The following CAMK2D variants were observed in gnomAD, a reference collection of about 807,000 sequenced individuals.
CAMK2D encodes calcium/calmodulin-dependent protein kinase type II subunit delta.
CAMK2D carries 37 observed loss-of-function variants against 84.0 expected under a neutral mutation model. The ratio of observed to expected loss-of-function variants is 0.44; its 90% CI spans 0.34 to 0.58. The LOEUF (loss-of-function observed/expected upper bound fraction) is 0.58. CAMK2D is among the 20% of genes least tolerant of loss of function. The pLI, the probability that CAMK2D is intolerant of heterozygous loss-of-function variation, is 0.02. For synonymous variants in CAMK2D, 202 were observed against 212.5 expected, an observed-to-expected ratio of 0.95 and a Z score of 0.43; for missense variants, 448 against 652.5, an observed-to-expected ratio of 0.69 and a Z score of 3.41.
At chr4:113,466,617 T>C (rs559802085) in intron 16 of CAMK2D, among the ~76,000 whole-genome samples, 30 of 152,208 alleles carry the variant, frequency 2.0e-4, no homozygotes, top group Non-Finnish European at 3.7e-4. Context: ...TGTAGGCAGA[T>C]AATAAGATGA....
intron 17 of CAMK2D, among the ~76,000 whole-genome samples, chr4:113,463,656 G>A (rs1043003336): frequency 5.3e-5 from 8 of 152,326 alleles, no homozygotes; most frequent in African/African-American, 1.9e-4. Flanking sequence ...GATTACAGGC[G>A]TGAGACATCG....
In CAMK2D at chr4:113,679,483, C is replaced by CT. The variant is rs950556502; in HGVS notation, c.161-17712dup. On this transcript the variant is annotated intron_variant, in intron 2 of 20. Transcript: ENST00000511664. ...ATTCCAGCCACATATTCTCCAGTCT[C>CT]TGCTTTTTCTGTCCTGATTTTAAAA... is the stretch of plus-strand genomic sequence containing the variant. 4 of 958,256 alleles carry CT rather than the reference C, an allele frequency of 4.2e-6. No individual in the cohort carries two copies. The African/African-American group carries it at 5.3e-5, about 13-fold the overall frequency. The allele number at this position is 958,256 out of a possible 1,614,324, so 59.4% of individuals were successfully genotyped here. A position where few individuals can be genotyped will look rare whatever the true frequency, so the allele number is the denominator to read the frequency against.
intron 4 of CAMK2D, among the ~76,000 whole-genome samples, chr4:113,568,580 G>A (rs1266138693): frequency 2.0e-5 from 3 of 151,970 alleles, no homozygotes; most frequent in Non-Finnish European, 2.9e-5. Context: ...ATTCTTTTTG[G>A]TATATACTGA....
chr4:113,466,133 A>G (rs896013131), intron 16 of CAMK2D, among the ~76,000 whole-genome samples: 1 of 151,770 alleles, frequency 6.6e-6, no homozygotes, highest in Admixed American at 6.6e-5. Flanking sequence ...GCGCATGCCT[A>G]TAATCCCAGC....
In CAMK2D at chr4:113,477,711, A is replaced by G. The variant is rs553735640; in HGVS notation, c.1136-12107T>C. Among the ~76,000 whole-genome samples the G allele has an allele frequency of 2.1e-5, 3 of 140,800 alleles. No homozygotes were observed. The East Asian group carries it at 6.4e-4, about 30-fold the overall frequency. The allele number at this position is 140,800 out of a possible 152,430, so 92.4% of individuals were successfully genotyped here. The stretch of plus-strand genomic sequence containing the variant: ...AAGTGAGCCGAGATTGTGCCACTGC[A>G]CTCCAGCCTGGGCAACAGAGTGAGA... On this transcript the variant is annotated intron_variant, in intron 16 of 20. Transcript: ENST00000511664.
intron 2 of CAMK2D, among the ~76,000 whole-genome samples, chr4:113,686,861 TACACACACACAC>T (rs36009295): frequency 3.4e-5 from 5 of 148,630 alleles, no homozygotes; most frequent in South Asian, 2.1e-4. Flanking sequence ...GGTATGTGTA[TACACACACACAC>T]ACACACACAC....
intron 4 of CAMK2D, among the ~76,000 whole-genome samples, chr4:113,597,653 G>C (rs1011100187): frequency 1.3e-5 from 2 of 152,166 alleles, no homozygotes. Context: ...TTTGCTAAAT[G>C]GAATAGCACT....
At chr4:113,480,919 A>G (rs1296414115) in intron 16 of CAMK2D, among the ~76,000 whole-genome samples, 1 of 152,144 alleles carries the variant, frequency 6.6e-6, no homozygotes, top group Non-Finnish European at 1.5e-5. Context: ...AAGAGGTGCC[A>G]TTTTTAAAGC....
intron 13 of CAMK2D, among the ~76,000 whole-genome samples, chr4:113,507,491 A>C (rs938764247): frequency 9.3e-5 from 14 of 150,800 alleles, no homozygotes; most frequent in Middle Eastern, 3.2e-3. Context: ...CTGGTCTCGA[A>C]CTCCTGATCT....
intron 2 of CAMK2D, among the ~76,000 whole-genome samples, chr4:113,726,593 G>A (rs1392340680): frequency 3.3e-5 from 5 of 151,514 alleles, no homozygotes; most frequent in Non-Finnish European, 2.9e-5. Flanking sequence ...TGGTCAAGAT[G>A]GGGTCTCACT....
intron 2 of CAMK2D, among the ~76,000 whole-genome samples, chr4:113,712,357 A>T (rs1486591801): frequency 1.3e-5 from 2 of 152,140 alleles, no homozygotes; most frequent in African/African-American, 4.8e-5. Context: ...TCAAATTCAT[A>T]TATTATTTAT....
intron 7 of CAMK2D, among the ~76,000 whole-genome samples, chr4:113,534,718 A>T (rs1432656344): frequency 1.3e-5 from 2 of 152,150 alleles, no homozygotes; most frequent in Admixed American, 1.3e-4. Flanking sequence ...AATTTTGAAA[A>T]CTTATTGAAC....
chr4:113,658,056 G>C (rs2099210085), intron 3 of CAMK2D, among the ~76,000 whole-genome samples: 2 of 152,128 alleles, frequency 1.3e-5, no homozygotes, highest in Non-Finnish European at 2.9e-5. Context: ...CTGTTAACTA[G>C]TGCGATGATC....
intron 10 of CAMK2D, 63 bp downstream of exon 10, chr4:113,515,006 A>G: frequency 7.0e-7 from 1 of 1,424,142 alleles, no homozygotes; most frequent in Admixed American, 1.7e-5. Context: ...TCCATAAACA[A>G]TATATTAAAG....
At chr4:113,475,497 T>C (rs575415731) in intron 16 of CAMK2D, among the ~76,000 whole-genome samples, 5 of 152,240 alleles carry the variant, frequency 3.3e-5, no homozygotes, top group Non-Finnish European at 7.3e-5. Flanking sequence ...TAAAGGTATC[T>C]TCCCCCCATC....
intron 3 of CAMK2D, among the ~76,000 whole-genome samples, chr4:113,631,760 C>T (rs1474379936): frequency 2.0e-5 from 3 of 152,142 alleles, no homozygotes; most frequent in African/African-American, 7.2e-5. Flanking sequence ...CATAAACCTG[C>T]TTGCAATTAG....
At chr4:113,728,435 T>C (rs185839310) in intron 2 of CAMK2D, among the ~76,000 whole-genome samples, 18 of 152,124 alleles carry the variant, frequency 1.2e-4, no homozygotes, top group Middle Eastern at 3.2e-3. Flanking sequence ...CAAAACCAGA[T>C]AGTAGTCTGT....
chr4:113,503,495 A>T (rs973040874), intron 14 of CAMK2D, among the ~76,000 whole-genome samples: 1 of 152,206 alleles, frequency 6.6e-6, no homozygotes, highest in African/African-American at 2.4e-5. Context: ...ACACTTAAAA[A>T]AAGACTATAC....
At chr4:113,716,771 G>A (rs2099514975) in intron 2 of CAMK2D, among the ~76,000 whole-genome samples, 1 of 151,748 alleles carries the variant, frequency 6.6e-6, no homozygotes, top group Non-Finnish European at 1.5e-5. Context: ...CCAGCAAAGT[G>A]AACTTAGTGA....
Sources: gnomAD v4.1 joint callset for allele counts (sites outside exome capture counted in the v4.1 genomes callset) on GRCh38, gnomAD v4.1.1 for gene constraint, MANE v1.5 for transcripts, NCBI Gene and HGNC (gene_info 2026-07-23, HGNC 2026-07-21) for gene names.